WDR35: variants seen among roughly 807,000 people sequenced by gnomAD.
WDR35 encodes the protein WD repeat-containing protein 35.
Under a neutral mutation model 158.3 loss-of-function variants are expected in WDR35, and 118 were observed. The observed-to-expected ratio is 0.75, with a 90% CI of 0.64 to 0.87. The LOEUF (loss-of-function observed/expected upper bound fraction) is 0.87. WDR35 is among the 40% of genes least tolerant of loss of function. WDR35 has a pLI of 0.00. For missense variants in WDR35, 1,263 were observed against 1,405.8 expected, an observed-to-expected ratio of 0.90 and a Z score of 1.62; for synonymous variants, 448 against 476.1, an observed-to-expected ratio of 0.94 and a Z score of 0.77.
In WDR35 at chr2:19,933,517, C is replaced by G. The variant is rs1428823717; in HGVS notation, c.2548-6G>C. 1 of 1,607,878 alleles carries G rather than the reference C, an allele frequency of 6.2e-7. No homozygotes were observed. Among genetic ancestry groups the G allele is most frequent in the Non-Finnish European group, 8.5e-7 (1 of 1,175,184 alleles). On this transcript the variant is annotated splice_polypyrimidine_tract_variant and splice_region_variant and intron_variant, in intron 21 of 26. Coordinates refer to ENST00000281405, the MANE Select transcript of WDR35 (RefSeq NM_020779.4). ...ACAAACATTTGTGCTATTTCCTGTA[C>G]AAACAAAACAATACTATCAGATTTC...
chr2:19,968,940 C>T (rs1353007870), intron 9 of WDR35, among the ~76,000 whole-genome samples: 1 of 152,218 alleles, frequency 6.6e-6, no homozygotes, highest in East Asian at 1.9e-4. Flanking sequence ...GGCTACCTGG[C>T]CATCTGGCTC....
At position 19,973,593 on chromosome 2, in the gene WDR35, G is replaced by C; in HGVS notation, c.852C>G (p.Asn284Lys). The change falls in exon 8 of 27, where the codon AAC becomes AAG. Residue 284 changes from asparagine to lysine, a missense_variant. Physicochemically the swap from Asn to Lys is moderately conservative, Grantham distance 94 (BLOSUM62 0). Coordinates refer to ENST00000281405, the MANE Select transcript of WDR35 (RefSeq NM_020779.4). ...CAAACGGAGTGTAAAACTGCACAAT[G>C]TTCACATCTTTGTCCTGCATGGCTG... ...QKAAMQDKDV[N>K]IVQFYTPFGE... is the part of the protein sequence containing the mutation. 1 of 1,614,152 alleles carries C rather than the reference G, an allele frequency of 6.2e-7. No individual in the cohort carries two copies. The highest frequency in any genetic ancestry group is 1.1e-5 in the South Asian group (1 of 91,078).
In WDR35 at chr2:19,933,560, C is replaced by CTTATACA. The variant is rs1462921821; in HGVS notation, c.2548-50_2548-49insTGTATAA. 4.0e-6 allele frequency: 6 copies of CTTATACA among 1,511,542 alleles called. 1 individual carries two copies. In the Admixed American group the frequency reaches 8.4e-5, roughly 21 times the overall value. 93.6% of individuals were successfully genotyped at this position (1,511,542 alleles called of 1,614,324 possible). A position where few individuals can be genotyped will look rare whatever the true frequency, so the allele number is the denominator to read the frequency against. The stretch of plus-strand genomic sequence containing the variant: ...CAGATTTCACAGACCAAGGAAATTA[C>CTTATACA]TTATATTTTAATTTAACAAAACTCC... On this transcript the variant is annotated intron_variant, in intron 21 of 26. Coordinates refer to ENST00000281405, the MANE Select transcript of WDR35 (RefSeq NM_020779.4).
chr2:19,974,469 T>G lies in WDR35; in HGVS notation c.735A>C (p.Gln245His). ...RCQIMRHEND[Q>H]NPVLIDTGMY... ...TTTTTAAACAGAAAAATTCCTTACT[T>G]TGGTCATTCTCATGTCTCATTATTT... The change falls in exon 7 of 27, where the codon CAA (glutamine) becomes CAC (histidine). Residue 245 changes from glutamine to histidine, a missense_variant and splice_region_variant. Coordinates refer to ENST00000281405, the MANE Select transcript of WDR35 (RefSeq NM_020779.4). The G allele has an allele frequency of 6.3e-7, 1 of 1,597,050 alleles. No individual in the cohort carries two copies.
intron 2 of WDR35, among the ~76,000 whole-genome samples, chr2:19,985,600 A>G (rs1217734917): frequency 7.2e-6 from 1 of 139,700 alleles, no homozygotes; most frequent in Non-Finnish European, 1.6e-5. Flanking sequence ...AAAAAAAAAA[A>G]GGGCCGGGCG....
In WDR35 at chr2:19,933,493, C is replaced by A. The variant is rs149667250; in HGVS notation, c.2566G>T (p.Val856Phe). The change falls in exon 22 of 27, where the codon GTC becomes TTC. Residue 856 changes from valine (V) to phenylalanine (F), a missense_variant. Val to Phe is a conservative substitution (Grantham distance 50, BLOSUM62 -1). Coordinates refer to ENST00000281405, the MANE Select transcript of WDR35 (RefSeq NM_020779.4). Reference protein sequence around the residue: ...KLLPEIAQMFVRVGMCEQAVT... With the variant: ...KLLPEIAQMFFRVGMCEQAVT... The stretch of plus-strand genomic sequence containing the variant: ...GCTTGTTCACACATTCCAACTCTGA[C>A]AAACATTTGTGCTATTTCCTGTACA... 2,559 of 1,613,700 alleles carry A rather than the reference C, an allele frequency of 1.6e-3. 85 individuals carry two copies. The Admixed American group carries it at 0.041, about 26-fold the overall frequency.
At chr2:19,975,300 T>C (rs1021239781) in intron 6 of WDR35, among the ~76,000 whole-genome samples, 3 of 152,096 alleles carry the variant, frequency 2.0e-5, no homozygotes, top group Non-Finnish European at 4.4e-5. Flanking sequence ...CCAAAAAAAA[T>C]TGGAACTAAA....
chr2:19,932,304 A>G lies in WDR35; in HGVS notation c.2802T>C (p.Asp934=). ...ELYRKANYFF[D]AAKLMFKIAD... ...TTACCTTAAACATCAGTTTAGCTGCATCAAAAAAGTAATTGGCTTTCCGAT... is the reference window on the plus strand; with the variant it reads ...TTACCTTAAACATCAGTTTAGCTGCGTCAAAAAAGTAATTGGCTTTCCGAT... The change falls in exon 23 of 27, where the codon GAT becomes GAC. Residue 934 remains aspartate, a synonymous_variant. Coordinates refer to ENST00000281405, the MANE Select transcript of WDR35 (RefSeq NM_020779.4). 1 of 1,613,330 alleles carries G rather than the reference A, an allele frequency of 6.2e-7. No homozygotes were observed. Among genetic ancestry groups the G allele is most frequent in the Non-Finnish European group, 8.5e-7 (1 of 1,179,506 alleles).
At chr2:19,965,866 A>G (rs1462324627) in intron 10 of WDR35, among the ~76,000 whole-genome samples, 1 of 152,108 alleles carries the variant, frequency 6.6e-6, no homozygotes, top group African/African-American at 2.4e-5. Flanking sequence ...AGGTACCCCC[A>G]AGTCCTGTGC....
intron 25 of WDR35, among the ~76,000 whole-genome samples, chr2:19,916,421 C>A (rs560286386): frequency 3.9e-5 from 6 of 152,210 alleles, no homozygotes; most frequent in Non-Finnish European, 8.8e-5. Context: ...GGGCTGAAGC[C>A]AGGGAGCCAA....
intron 11 of WDR35, 49 bp from the exon 12 acceptor site, chr2:19,954,027 A>T: frequency 1.2e-6 from 2 of 1,610,840 alleles, no homozygotes; most frequent in Non-Finnish European, 1.7e-6. Context: ...GAATTGCAGA[A>T]TGCTTGTGCT....
In WDR35 at chr2:19,914,222, CAG is replaced by C; in HGVS notation, c.3175_3176del (p.Leu1059AlafsTer20). ...DIIPPVEIYS[L>X]LALCACASRA... The stretch of plus-strand genomic sequence containing the variant: ...TGCTGGCGCATGCGCAGAGTGCTAG[CAG>C]AGAGTAGATCTCCACAGGAGGGATG... On this transcript the variant is annotated frameshift_variant, in exon 26 of 27. Transcript: ENST00000281405. LOFTEE classifies it high-confidence loss of function. The C allele has an allele frequency of 6.2e-7, 1 of 1,614,098 alleles. No homozygotes were observed. The highest frequency in any genetic ancestry group is 8.5e-7 in the Non-Finnish European group (1 of 1,180,002).
chr2:19,932,492 C>T (rs1284767646), intron 22 of WDR35, 45 bp from the exon 23 acceptor site: 2 of 1,609,094 alleles, frequency 1.2e-6, no homozygotes, highest in South Asian at 2.2e-5. Context: ...TATTTACAGT[C>T]ACATATATCA....
chr2:19,927,280 C>T (rs997953387), intron 25 of WDR35, among the ~76,000 whole-genome samples: 18 of 151,686 alleles, frequency 1.2e-4, no homozygotes, highest in South Asian at 8.3e-4. Flanking sequence ...TGAGGCATAC[C>T]GCCCTCAAAA....
chr2:19,937,999 A>G, intron 18 of WDR35, 53 bp from the exon 19 acceptor site: 2 of 1,590,326 alleles, frequency 1.3e-6, no homozygotes, highest in Admixed American at 1.7e-5. Context: ...TTACTGACAA[A>G]CTAGTCTTGA....
At chr2:19,984,067 T>A (rs1672479509) in intron 2 of WDR35, among the ~76,000 whole-genome samples, 1 of 147,478 alleles carries the variant, frequency 6.8e-6, no homozygotes, top group East Asian at 2.0e-4. Context: ...CCACATATTC[T>A]GATGTCACTA....
intron 17 of WDR35, among the ~76,000 whole-genome samples, chr2:19,940,445 A>G (rs1298542691): frequency 6.6e-6 from 1 of 152,178 alleles, no homozygotes; most frequent in African/African-American, 2.4e-5. Context: ...TTCAAGTTAA[A>G]CGGGCAATGA....
chr2:19,980,925 T>G lies in WDR35; in HGVS notation c.215-142A>C, dbSNP rs142810390. On this transcript the variant is annotated intron_variant, in intron 3 of 26. Coordinates refer to ENST00000281405, the MANE Select transcript of WDR35 (RefSeq NM_020779.4). ...GTCTTTAATATTCCTCAAAACCTATTCATAAGATGCAGTTATTGATATCAC... is the reference window on the plus strand; with the variant it reads ...GTCTTTAATATTCCTCAAAACCTATGCATAAGATGCAGTTATTGATATCAC... 3 of 712,948 alleles carry G rather than the reference T, an allele frequency of 4.2e-6. No individual in the cohort carries two copies. In the African/African-American group the frequency reaches 5.4e-5, roughly 13 times the overall value. The allele number at this position is 712,948 out of a possible 1,614,324, so 44.2% of individuals were successfully genotyped here. A position where few individuals can be genotyped will look rare whatever the true frequency, so the allele number is the denominator to read the frequency against.
chr2:19,961,304 G>GA (rs1553320722), intron 10 of WDR35, among the ~76,000 whole-genome samples: 1 of 151,994 alleles, frequency 6.6e-6, no homozygotes, highest in African/African-American at 2.4e-5. Flanking sequence ...AATTTGCAAG[G>GA]AAAAAATGAA....
Sources: gnomAD v4.1 joint callset for allele counts (sites outside exome capture counted in the v4.1 genomes callset) on GRCh38, gnomAD v4.1.1 for gene constraint, MANE v1.5 for transcripts, NCBI Gene and HGNC (gene_info 2026-07-23, HGNC 2026-07-21) for gene names.